Variants in PTPRG observed in about 807,000 individuals in gnomAD.
The protein encoded by PTPRG is receptor-type tyrosine-protein phosphatase gamma.
Under a neutral mutation model 165.3 loss-of-function variants are expected in PTPRG, and 102 were observed. The ratio of observed to expected loss-of-function variants is 0.62; its 90% CI spans 0.53 to 0.73. The LOEUF (loss-of-function observed/expected upper bound fraction) is 0.73, where lower values mean the gene tolerates loss of function less well. PTPRG is among the 30% of genes least tolerant of loss of function. PTPRG has a pLI of 0.00. For synonymous variants in PTPRG, 675 were observed against 669.5 expected, an observed-to-expected ratio of 1.01 and a Z score of -0.13; for missense variants, 1,866 against 1,861.4, an observed-to-expected ratio of 1.00 and a Z score of -0.05.
At chr3:61,839,095 C>T (rs892009189) in intron 2 of PTPRG, among the ~76,000 whole-genome samples, 2 of 152,028 alleles carry the variant, frequency 1.3e-5, no homozygotes, top group African/African-American at 4.8e-5. Flanking sequence ...AATCTAAAAC[C>T]AACAAGGCAT....
Position 61,753,808 on chromosome 3 carries a change from C to T in PTPRG, c.190+4826C>T, listed in dbSNP as rs191734977. ...ATGGGGTTTCACCATGTTGGCCAGG[C>T]TGGTCTTGAACTCCTGACCTCAGGT... On this transcript the variant is annotated intron_variant, in intron 2 of 29. Coordinates refer to ENST00000474889, the MANE Select transcript of PTPRG (RefSeq NM_002841.4). 8.5e-5 allele frequency among the ~76,000 whole-genome samples: 13 copies of T among 152,194 alleles called. No homozygotes were observed. The East Asian group carries it at 2.5e-3, about 29-fold the overall frequency.
At chr3:61,814,292 T>A (rs1245428573) in intron 2 of PTPRG, among the ~76,000 whole-genome samples, 1 of 152,220 alleles carries the variant, frequency 6.6e-6, no homozygotes, top group Non-Finnish European at 1.5e-5. Context: ...GAGCAGGATT[T>A]GAACCAGACC....
intron 1 of PTPRG, among the ~76,000 whole-genome samples, chr3:61,725,740 T>C (rs1474961258): frequency 6.7e-6 from 1 of 149,952 alleles, no homozygotes; most frequent in African/African-American, 2.5e-5. Flanking sequence ...TTGGAATGGC[T>C]ACTGTGTTCA....
chr3:61,794,176 C>T (rs924888862), intron 2 of PTPRG, among the ~76,000 whole-genome samples: 6 of 152,072 alleles, frequency 3.9e-5, no homozygotes, highest in African/African-American at 1.2e-4. Flanking sequence ...TTGTTTTCCA[C>T]CCCCATCTCC....
intron 1 of PTPRG, among the ~76,000 whole-genome samples, chr3:61,616,691 G>A (rs1285276566): frequency 6.6e-6 from 1 of 152,152 alleles, no homozygotes; most frequent in Non-Finnish European, 1.5e-5. Context: ...CCTGGTGGAG[G>A]GCAGCCCCAT....
At position 62,195,198 on chromosome 3, in the gene PTPRG, G is replaced by A. The variant is rs375104046; in HGVS notation, c.1327+28G>A. The stretch of plus-strand genomic sequence containing the variant: ...GAGGCTGGCTTCCCCTCCTGTGGCC[G>A]GGGTGCCCCTGAGACTCCCTCCCAA... On this transcript the variant is annotated intron_variant, in intron 10 of 29. Coordinates refer to ENST00000474889, the MANE Select transcript of PTPRG (RefSeq NM_002841.4). The surrounding 1 kb of genome is among the most constrained non-coding windows in gnomAD (Gnocchi z 4.4). The A allele has an allele frequency of 1.8e-5, 28 of 1,597,316 alleles. No individual in the cohort carries two copies. The highest frequency in any genetic ancestry group is 6.7e-5 in the African/African-American group (5 of 74,528).
intron 4 of PTPRG, among the ~76,000 whole-genome samples, chr3:62,042,528 C>A (rs1020526125): frequency 5.3e-5 from 8 of 152,076 alleles, no homozygotes; most frequent in African/African-American, 1.7e-4. Flanking sequence ...GCATGGTGTT[C>A]TTTTGCCTGA....
At position 62,254,350 on chromosome 3, in the gene PTPRG, G is replaced by A. The variant is rs954941585; in HGVS notation, c.2468-774G>A. Among the ~76,000 whole-genome samples the A allele has an allele frequency of 1.3e-5, 2 of 152,140 alleles. No homozygotes were observed. The highest frequency in any genetic ancestry group is 4.8e-5 in the African/African-American group (2 of 41,434). On this transcript the variant is annotated intron_variant, in intron 15 of 29. Transcript: ENST00000474889. The surrounding 1 kb of genome is among the most constrained non-coding windows in gnomAD (Gnocchi z 4.6). ...AGGTTGGGGAGCTCCAGTTAGTTGGGTGTGGCTATTTTATAGCAGTACTCA... is the reference window on the plus strand; with the variant it reads ...AGGTTGGGGAGCTCCAGTTAGTTGGATGTGGCTATTTTATAGCAGTACTCA...
intron 1 of PTPRG, among the ~76,000 whole-genome samples, chr3:61,620,271 A>T (rs1701413502): frequency 6.6e-6 from 1 of 152,192 alleles, no homozygotes; most frequent in South Asian, 2.1e-4. Flanking sequence ...TGCGTAGGGA[A>T]TTGAAATTGC....
intron 2 of PTPRG, among the ~76,000 whole-genome samples, chr3:61,874,430 T>C (rs2037667431): frequency 6.6e-6 from 1 of 152,232 alleles, no homozygotes; most frequent in African/African-American, 2.4e-5. Context: ...ATTTGTGACT[T>C]CCACTGGAAT....
chr3:61,731,514 A>G (rs947305420), intron 1 of PTPRG, among the ~76,000 whole-genome samples: 1 of 151,858 alleles, frequency 6.6e-6, no homozygotes, highest in Non-Finnish European at 1.5e-5. Flanking sequence ...ACGCCCAGCT[A>G]ATTTTTTGTA....
At chr3:61,856,276 G>A (rs1422561533) in intron 2 of PTPRG, among the ~76,000 whole-genome samples, 1 of 151,992 alleles carries the variant, frequency 6.6e-6, no homozygotes, top group Non-Finnish European at 1.5e-5. Flanking sequence ...CCAAGTGGAA[G>A]CCTCATACCC....
Position 62,145,151 on chromosome 3 carries a change from G to A in PTPRG, c.683-11916G>A, listed in dbSNP as rs187613737. ...GTATAGGAGAGACAGACACTATTGC[G>A]TAGTGGGTTTGAAATCCAGTTCTGC... On this transcript the variant is annotated intron_variant, in intron 6 of 29. Coordinates refer to ENST00000474889, the MANE Select transcript of PTPRG (RefSeq NM_002841.4). 2.4e-3 allele frequency among the ~76,000 whole-genome samples: 364 copies of A among 152,258 alleles called. 9 individuals are homozygous for A. Among genetic ancestry groups the A allele is most frequent in the South Asian group, 8.3e-4 (4 of 4,826 alleles).
chr3:61,973,360 A>G (rs767386030), intron 2 of PTPRG, among the ~76,000 whole-genome samples: 36 of 152,234 alleles, frequency 2.4e-4, no homozygotes, highest in East Asian at 3.9e-4. Context: ...AAGTTCATCA[A>G]TATGGTAGAT....
At chr3:61,917,269 A>G (rs2038964220) in intron 2 of PTPRG, among the ~76,000 whole-genome samples, 1 of 152,214 alleles carries the variant, frequency 6.6e-6, no homozygotes, top group Non-Finnish European at 1.5e-5. Flanking sequence ...TTGCTATGTC[A>G]GGCTGAATAA....
At chr3:62,055,328 A>C (rs1040499056) in intron 4 of PTPRG, among the ~76,000 whole-genome samples, 1 of 152,242 alleles carries the variant, frequency 6.6e-6, no homozygotes, top group Non-Finnish European at 1.5e-5. Context: ...CATCACAGAA[A>C]TATCGCTAAT....
intron 1 of PTPRG, among the ~76,000 whole-genome samples, chr3:61,619,341 C>T (rs1239441364): frequency 6.6e-6 from 1 of 151,962 alleles, no homozygotes; most frequent in African/African-American, 2.4e-5. Context: ...CCCACGAGAC[C>T]AGTGGTTTGT....
intron 1 of PTPRG, among the ~76,000 whole-genome samples, chr3:61,705,171 C>T (rs1575600044): frequency 6.6e-6 from 1 of 152,182 alleles, no homozygotes; most frequent in Admixed American, 6.5e-5. Context: ...CCATAGGCAT[C>T]CACCACGAAG....
intron 1 of PTPRG, among the ~76,000 whole-genome samples, chr3:61,741,115 A>G (rs1237186437): frequency 2.0e-5 from 3 of 152,208 alleles, no homozygotes; most frequent in Non-Finnish European, 2.9e-5. Context: ...ATTTTAGACT[A>G]TTGTGTGGGA....
Sources: allele counts gnomAD v4.1 joint callset (sites outside exome capture counted in the v4.1 genomes callset), GRCh38; gene constraint gnomAD v4.1.1; non-coding constraint Gnocchi (gnomAD v3.1); transcripts MANE v1.5; gene names NCBI Gene and HGNC (gene_info 2026-07-23, HGNC 2026-07-21).